Variants in PITRM1 observed in about 807,000 individuals in gnomAD.
PITRM1 encodes the protein presequence protease, mitochondrial.
In PITRM1, 100 loss-of-function variants were observed where a neutral mutation model predicts 129.9. The observed-to-expected ratio is 0.77, with a 90% confidence interval of 0.65 to 0.91. PITRM1 has a LOEUF of 0.91. Ranked by LOEUF, PITRM1 falls within the 40% of genes least tolerant of loss-of-function variation. PITRM1 has a pLI of 0.00. For synonymous variants in PITRM1, 591 were observed against 508.8 expected (o/e 1.16, Z -2.17); for missense variants, 1,471 against 1,318.3 (o/e 1.12, Z -1.79).
chr10:3,172,593 G>A (rs1442680755), intron 1 of PITRM1, 124 bp downstream of exon 1: 4 of 864,446 alleles, frequency 4.6e-6, no homozygotes, highest in Non-Finnish European at 6.7e-6. Context: ...GGTGCGGGAC[G>A]CCCACAGCTT....
chr10:3,167,144 T>C (rs1588719147), intron 2 of PITRM1, 102 bp from the exon 3 acceptor site: 1 of 663,242 alleles, frequency 1.5e-6, no homozygotes, highest in Non-Finnish European at 2.6e-6. Context: ...TGCCTGAAAT[T>C]AGATGATGCC....
chr10:3,158,224 TTTAAAG>T, intron 10 of PITRM1, 71 bp from the exon 11 acceptor site: 1 of 863,024 alleles, frequency 1.2e-6, no homozygotes, highest in Admixed American at 2.2e-5. Flanking sequence ...ATATGCTTGA[TTTAAAG>T]ATCAGAACGA....
rs1204653208 is a variant in PITRM1, at chr10:3,158,109, T to C, written c.1181A>G (p.Gln394Arg). The C allele has an allele frequency of 1.9e-6, 3 of 1,610,890 alleles. No individual in the cohort carries two copies. Among genetic ancestry groups the C allele is most frequent in the Non-Finnish European group, 2.5e-6 (3 of 1,177,796 alleles). ...TREAYFSVGL[Q>R]GIAEKDIETV... ...CTCAATGTCTTTCTCCGCAATCCCT[T>C]GGAGGCCGACACTAAAGTAGGCCTC... The change falls in exon 11 of 27, where the codon CAA becomes CGA. Residue 394 changes from glutamine to arginine, a missense_variant. By Grantham distance (43) the Gln-to-Arg change is conservative (BLOSUM62 1). Transcript: ENST00000224949.
chr10:3,152,913 G>A (rs1841646148), intron 14 of PITRM1, among the ~76,000 whole-genome samples: 1 of 152,198 alleles, frequency 6.6e-6, no homozygotes, highest in Admixed American at 6.5e-5. Context: ...TTTTCTTTCA[G>A]CACATCACAC....
chr10:3,159,007 A>G lies in PITRM1; in HGVS notation c.1043T>C (p.Leu348Pro). Residue 348 changes from leucine (L) to proline (P), a missense_variant, in exon 10 of 27, where the codon CTT becomes CCT. Leu to Pro is a moderately conservative substitution (Grantham distance 98). Coordinates refer to ENST00000224949, the MANE Select transcript of PITRM1 (RefSeq NM_014889.4). ...CCCAGAAGTCAAGAGTGAAGACAGA[A>G]GACTTAATGTGAAGGCTTCAAATGT... ...TDTFEAFTLS[L>P]LSSLLTSGPN... 6.2e-7 allele frequency: 1 copy of G among 1,613,830 alleles called. No individual in the cohort carries two copies. Among genetic ancestry groups the G allele is most frequent in the East Asian group, 2.2e-5 (1 of 44,886 alleles).
At chr10:3,160,394 C>A in intron 7 of PITRM1, 64 bp from the exon 8 acceptor site, 1 of 1,325,408 alleles carries the variant, frequency 7.5e-7, no homozygotes, top group Non-Finnish European at 1.1e-6. Context: ...CAAGTGCTGT[C>A]TGTTTCACTG....
intron 14 of PITRM1, 51 bp downstream of exon 14, chr10:3,155,540 T>C (rs1466368459): frequency 6.2e-6 from 10 of 1,607,036 alleles, no homozygotes; most frequent in Admixed American, 1.7e-5. Flanking sequence ...ACAAGTCCAC[T>C]AGGCCCGAGT....
At chr10:3,148,710 G>A (rs189774531) in intron 16 of PITRM1, 38 of 161,508 alleles carry the variant, frequency 2.4e-4, no homozygotes, top group African/African-American at 8.8e-4. Flanking sequence ...GGGGGAGTCC[G>A]AAGACTAAAG....
intron 20 of PITRM1, chr10:3,146,620 G>C (rs7898290): frequency 0.61 from 93,709 of 152,462 alleles, 29,053 homozygotes; most frequent in Non-Finnish European, 0.66. Context: ...TCAGGACTCT[G>C]TGTGAAGAAG....
intron 16 of PITRM1, 184 bp downstream of exon 16, chr10:3,149,437 G>T: frequency 1.9e-6 from 1 of 513,288 alleles, no homozygotes; most frequent in Non-Finnish European, 3.4e-6. Context: ...CTATTTCAAT[G>T]TAATATAGTA....
intron 14 of PITRM1, among the ~76,000 whole-genome samples, chr10:3,152,678 T>G (rs116034426): frequency 0.013 from 1,968 of 152,362 alleles, 54 homozygotes; most frequent in African/African-American, 0.046. Context: ...GCTTGCCACC[T>G]ACCTAACATC....
Position 3,138,881 on chromosome 10 carries a change from TCTCA to T in PITRM1, c.2917+19_2917+22del, listed in dbSNP as rs1185774576. ...CATCTGTGAGGCTGTGGGTTGAGAT[TCTCA>T]CTGTTATACTCAAAATACCTTTGTC... is the stretch of plus-strand genomic sequence containing the variant. On this transcript the variant is annotated intron_variant, in intron 25 of 26. Coordinates refer to ENST00000224949, the MANE Select transcript of PITRM1 (RefSeq NM_014889.4). 2.5e-6 allele frequency: 4 copies of T among 1,612,168 alleles called. No homozygotes were observed. The South Asian group carries it at 3.3e-5, about 13-fold the overall frequency.
chr10:3,138,988 C>G lies in PITRM1; in HGVS notation c.2833G>C (p.Gly945Arg). 6 of 1,613,896 alleles carry G rather than the reference C, an allele frequency of 3.7e-6. No individual in the cohort carries two copies. Among genetic ancestry groups the G allele is most frequent in the Non-Finnish European group, 5.1e-6 (6 of 1,179,800 alleles). Residue 945 changes from glycine to arginine, a missense_variant, in exon 25 of 27, where the codon GGA becomes CGA. Physicochemically the swap from Gly to Arg is moderately radical, Grantham distance 125. Transcript: ENST00000224949. ...FGKAVDWAKSGKFTQQDIDEA... is the reference protein window; with the variant it reads ...FGKAVDWAKSRKFTQQDIDEA... ...TCGATGTCTTGCTGTGTGAATTTTC[C>G]AGACTTAGCCCAGTCGACAGCCTTC...
In PITRM1 at chr10:3,145,698, A is replaced by G; in HGVS notation, c.2355T>C (p.Thr785=). The part of the protein sequence containing the change: ...GDNMRCSVNA[T]PQQMPQTEKA... ...TTTCTGTCTGAGGCATCTGCTGAGG[A>G]GTCGCATTCACTGAACACCTGTTTG... The change falls in exon 21 of 27, where the codon ACT becomes ACC. Residue 785 remains threonine, a synonymous_variant. Transcript: ENST00000224949. The G allele has an allele frequency of 6.4e-7, 1 of 1,550,502 alleles. No homozygotes were observed. The highest frequency in any genetic ancestry group is 8.7e-7 in the Non-Finnish European group (1 of 1,145,820).
intron 2 of PITRM1, among the ~76,000 whole-genome samples, chr10:3,167,316 C>T (rs185072073): frequency 5.0e-4 from 76 of 152,312 alleles, no homozygotes; most frequent in Non-Finnish European, 8.2e-4. Flanking sequence ...CGAGAGCGCA[C>T]GCGCTTACTA....
chr10:3,170,039 AT>A, intron 2 of PITRM1, 64 bp downstream of exon 2: 1 of 1,245,736 alleles, frequency 8.0e-7, no homozygotes, highest in South Asian at 1.2e-5. Context: ...GGCTCCGTAC[AT>A]AGGCCAGAAG....
Position 3,138,912 on chromosome 10 carries a change from G to A in PITRM1, c.2909C>T (p.Ser970Leu). The A allele has an allele frequency of 2.5e-6, 4 of 1,613,884 alleles. No individual in the cohort carries two copies. The highest frequency in any genetic ancestry group is 2.2e-5 in the South Asian group (2 of 91,072). Residue 970 changes from serine (S) to leucine (L), a missense_variant, in exon 25 of 27, where the codon TCA (serine) becomes TTA (leucine). Coordinates refer to ENST00000224949, the MANE Select transcript of PITRM1 (RefSeq NM_014889.4). Reference sequence around the variant, plus strand: ...TGTTATACTCAAAATACCTTTGTCTGAAGGAGCGACAGGAGCATCTACGGT... The same window carrying A: ...TGTTATACTCAAAATACCTTTGTCTAAAGGAGCGACAGGAGCATCTACGGT... ...FSTVDAPVAP[S>L]DKGMDHFLYG...
In PITRM1 at chr10:3,137,743, C is replaced by A; in HGVS notation, c.*288G>T. 2.3e-6 allele frequency: 1 copy of A among 428,298 alleles called. No homozygotes were observed. The highest frequency in any genetic ancestry group is 4.4e-6 in the Non-Finnish European group (1 of 224,778). The allele number at this position is 428,298 out of a possible 1,614,324, so 26.5% of individuals were successfully genotyped here. A position where few individuals can be genotyped will look rare whatever the true frequency, so the allele number is the denominator to read the frequency against. ...CAAGCAGAGGTTAAGTCAGAGTTGCCCTTTATTTTTAGATTCTTAAATATT... is the reference window on the plus strand; with the variant it reads ...CAAGCAGAGGTTAAGTCAGAGTTGCACTTTATTTTTAGATTCTTAAATATT... On this transcript the variant is annotated 3_prime_UTR_variant, in exon 27 of 27. Coordinates refer to ENST00000224949, the MANE Select transcript of PITRM1 (RefSeq NM_014889.4).
At chr10:3,159,142 A>G in intron 9 of PITRM1, 100 bp from the exon 10 acceptor site, 1 of 1,068,158 alleles carries the variant, frequency 9.4e-7, no homozygotes, top group East Asian at 2.6e-5. Flanking sequence ...ACATCTTTCT[A>G]GAAATTCTTG....
Sources: gnomAD v4.1 joint callset for allele counts (sites outside exome capture counted in the v4.1 genomes callset) on GRCh38, gnomAD v4.1.1 for gene constraint, MANE v1.5 for transcripts, NCBI Gene and HGNC (gene_info 2026-07-23, HGNC 2026-07-21) for gene names.